The following TMEM163 variants were observed in gnomAD, a reference collection of about 807,000 sequenced individuals.
TMEM163 encodes the protein transmembrane protein 163.
TMEM163 carries 17 observed loss-of-function variants against 29.3 expected under a neutral mutation model. The observed-to-expected ratio is 0.58, with a 90% CI of 0.40 to 0.87. The LOEUF is 0.87. Ranked by LOEUF, TMEM163 falls within the 40% of genes least tolerant of loss-of-function variation. The pLI is 0.00. For synonymous variants in TMEM163, 157 were observed against 160.6 expected (o/e 0.98, Z 0.17); for missense variants, 303 against 381.5 (o/e 0.79, Z 1.71).
chr2:134,677,869 T>C (rs1684149639), intron 2 of TMEM163, among the ~76,000 whole-genome samples: 1 of 152,196 alleles, frequency 6.6e-6, no homozygotes, highest in South Asian at 2.1e-4. Context: ...CCAATGTCAT[T>C]GGATACATAG....
intron 5 of TMEM163, chr2:134,468,129 C>T (rs529734663): frequency 8.5e-5 from 13 of 152,320 alleles, no homozygotes; most frequent in African/African-American, 3.1e-4. Flanking sequence ...CATGATGCTA[C>T]AATCTGAGTA....
intron 2 of TMEM163, among the ~76,000 whole-genome samples, chr2:134,602,216 G>A (rs1052989570): frequency 6.6e-6 from 1 of 152,182 alleles, no homozygotes; most frequent in Non-Finnish European, 1.5e-5. Flanking sequence ...GTGTGGCAGA[G>A]ACAATTAGAT....
At chr2:134,675,905 T>G (rs543281805) in intron 2 of TMEM163, among the ~76,000 whole-genome samples, 1 of 152,222 alleles carries the variant, frequency 6.6e-6, no homozygotes, top group African/African-American at 2.4e-5. Context: ...ACCCCAACCC[T>G]AAATAGACAT....
intron 2 of TMEM163, among the ~76,000 whole-genome samples, chr2:134,588,408 T>A (rs1324872049): frequency 1.3e-5 from 2 of 152,008 alleles, no homozygotes; most frequent in African/African-American, 4.8e-5. Context: ...AGAAGCAAAG[T>A]CAAACAGAAA....
chr2:134,716,964 TCAAA>T (rs954079479), intron 1 of TMEM163, among the ~76,000 whole-genome samples: 4 of 152,226 alleles, frequency 2.6e-5, no homozygotes, highest in African/African-American at 9.6e-5. Flanking sequence ...TGCCACGCTC[TCAAA>T]CAGTGACAGT....
chr2:134,578,064 TA>T (rs993659649), intron 2 of TMEM163, among the ~76,000 whole-genome samples: 2 of 152,016 alleles, frequency 1.3e-5, no homozygotes, highest in African/African-American at 4.8e-5. Context: ...ACTTCTATCA[TA>T]AAAAAAGAAA....
rs997561857 is a variant in TMEM163 at position 134,494,881 on chromosome 2, C to T, written c.555+8020G>A. 9.2e-5 allele frequency among the ~76,000 whole-genome samples: 14 copies of T among 152,182 alleles called. 1 individual carries two copies. The highest frequency in any genetic ancestry group is 2.9e-4 in the African/African-American group (12 of 41,438). On this transcript the variant is annotated intron_variant, in intron 5 of 7. Coordinates refer to ENST00000281924, the MANE Select transcript of TMEM163 (RefSeq NM_030923.5). Reference sequence around the variant, plus strand: ...CCAAGAGAACCCTCAGGAACTCATTCCCATGGGTGAGGCACTTGCTTCAGA... The same window carrying T: ...CCAAGAGAACCCTCAGGAACTCATTTCCATGGGTGAGGCACTTGCTTCAGA...
chr2:134,679,704 A>G (rs968056864), intron 2 of TMEM163, among the ~76,000 whole-genome samples: 3 of 152,210 alleles, frequency 2.0e-5, no homozygotes, highest in Non-Finnish European at 4.4e-5. Context: ...CCATTCTACA[A>G]ATGACCAAAG....
chr2:134,615,508 A>G (rs1682590593), intron 2 of TMEM163, among the ~76,000 whole-genome samples: 1 of 152,222 alleles, frequency 6.6e-6, no homozygotes, highest in South Asian at 2.1e-4. Flanking sequence ...CTAACTGAAA[A>G]GGACAGAAAA....
rs1443022526 is a variant in TMEM163, at chr2:134,570,393, AC to A, written c.323-18303del. On this transcript the variant is annotated intron_variant, in intron 2 of 7. Coordinates refer to ENST00000281924, the MANE Select transcript of TMEM163 (RefSeq NM_030923.5). ...CCATTAGGTGACAATCAGGTTCAGCACTATCCAAGCTTACAGGCATCCACTG... is the reference window on the plus strand; with the variant it reads ...CCATTAGGTGACAATCAGGTTCAGCATATCCAAGCTTACAGGCATCCACTG... Among the ~76,000 whole-genome samples, 4 of 152,258 alleles carry A rather than the reference AC, an allele frequency of 2.6e-5. No homozygotes were observed. The East Asian group carries it at 7.7e-4, about 29-fold the overall frequency.
At position 134,594,220 on chromosome 2, in the gene TMEM163, G is replaced by C. The variant is rs1273547687; in HGVS notation, c.323-42129C>G. 3.3e-5 allele frequency among the ~76,000 whole-genome samples: 5 copies of C among 151,146 alleles called. No individual in the cohort carries two copies. The South Asian group carries it at 1.1e-3, about 32-fold the overall frequency. On this transcript the variant is annotated intron_variant, in intron 2 of 7. Transcript: ENST00000281924. ...ACAGAAAGGAGGATGGGCCTGGAAA[G>C]AGTGAAGGAGAGACAGGGGGAGAGA...
chr2:134,554,422 C>CAAAAAAAAA (rs941286100), intron 2 of TMEM163, among the ~76,000 whole-genome samples: 2 of 21,132 alleles, frequency 9.5e-5, no homozygotes, highest in African/African-American at 2.7e-4. Context: ...GACCCCATCT[C>CAAAAAAAAA]AAAAAAAAAA....
At chr2:134,646,249 G>A (rs895296881) in intron 2 of TMEM163, among the ~76,000 whole-genome samples, 11 of 148,036 alleles carry the variant, frequency 7.4e-5, no homozygotes, top group South Asian at 2.2e-4. Context: ...CACATCTGGC[G>A]AATTTTTCTA....
chr2:134,718,352 G>A (rs1244927451), intron 1 of TMEM163, among the ~76,000 whole-genome samples: 2 of 152,238 alleles, frequency 1.3e-5, no homozygotes, highest in Non-Finnish European at 2.9e-5. Context: ...GATGCAACGA[G>A]CCTGGGTCCC....
At position 134,582,990 on chromosome 2, in the gene TMEM163, C is replaced by T. The variant is rs1044223755; in HGVS notation, c.323-30899G>A. Reference sequence around the variant, plus strand: ...GGGACCATTCTTCCTATAAAAATGGCACTAAAACATATTTCTCTATTTTAA... The same window carrying T: ...GGGACCATTCTTCCTATAAAAATGGTACTAAAACATATTTCTCTATTTTAA... On this transcript the variant is annotated intron_variant, in intron 2 of 7. Transcript: ENST00000281924. 2.6e-5 allele frequency among the ~76,000 whole-genome samples: 4 copies of T among 152,110 alleles called. 1 individual carries two copies. Among genetic ancestry groups the T allele is most frequent in the Non-Finnish European group, 5.9e-5 (4 of 68,016 alleles).
At chr2:134,596,827 A>G (rs964108693) in intron 2 of TMEM163, among the ~76,000 whole-genome samples, 1 of 152,118 alleles carries the variant, frequency 6.6e-6, no homozygotes, top group Admixed American at 6.5e-5. Flanking sequence ...GAGGTCCTTC[A>G]CATCCCTTGT....
chr2:134,695,650 T>A (rs1684563017), intron 2 of TMEM163, among the ~76,000 whole-genome samples: 1 of 152,198 alleles, frequency 6.6e-6, no homozygotes, highest in African/African-American at 2.4e-5. Context: ...AAAGTTCTTC[T>A]TAGTCAGCTT....
intron 4 of TMEM163, among the ~76,000 whole-genome samples, chr2:134,520,503 T>C (rs986580980): frequency 6.6e-6 from 1 of 152,258 alleles, no homozygotes; most frequent in Non-Finnish European, 1.5e-5. Flanking sequence ...ATGATTGTAG[T>C]ACTACTGTTG....
intron 2 of TMEM163, among the ~76,000 whole-genome samples, chr2:134,621,028 A>G (rs1358881624): frequency 6.6e-6 from 1 of 152,078 alleles, no homozygotes; most frequent in Non-Finnish European, 1.5e-5. Context: ...TATCTTTAAG[A>G]AAATGAAAAG....
Sources: allele counts gnomAD v4.1 joint callset (sites outside exome capture counted in the v4.1 genomes callset), GRCh38; gene constraint gnomAD v4.1.1; transcripts MANE v1.5; gene names NCBI Gene and HGNC (gene_info 2026-07-23, HGNC 2026-07-21).